ASIC2: variants seen among roughly 807,000 people sequenced by gnomAD.
ASIC2 encodes acid sensing ion channel subunit 2, also known as acid-sensing ion channel 2.
In ASIC2, 25 loss-of-function variants were observed where a neutral mutation model predicts 57.3. The ratio of observed to expected loss-of-function variants is 0.44; its 90% CI spans 0.32 to 0.61. The LOEUF (loss-of-function observed/expected upper bound fraction) is 0.61. ASIC2 is among the 20% of genes least tolerant of loss of function. The pLI is 0.06. For missense variants in ASIC2, 641 were observed against 738.1 expected (o/e 0.87, Z 1.52); for synonymous variants, 319 against 307.5 (o/e 1.04, Z -0.39).
intron 1 of ASIC2, among the ~76,000 whole-genome samples, chr17:34,066,319 C>T (rs11867733): frequency 1.5e-3 from 222 of 152,314 alleles, no homozygotes; most frequent in Admixed American, 2.5e-3. Context: ...GCCACTGGTT[C>T]CTGGCCTTAG....
intron 3 of ASIC2, among the ~76,000 whole-genome samples, chr17:33,072,918 C>A (rs2092074953): frequency 6.6e-6 from 1 of 152,246 alleles, no homozygotes; most frequent in Non-Finnish European, 1.5e-5. Context: ...GGAAGTGATG[C>A]AGCAATCAAC....
At chr17:33,266,326 G>C (rs1330247639) in intron 1 of ASIC2, among the ~76,000 whole-genome samples, 5 of 152,144 alleles carry the variant, frequency 3.3e-5, no homozygotes, top group African/African-American at 1.2e-4. Flanking sequence ...CAAGAGCAAT[G>C]CCTGACTCAG....
At chr17:33,104,248 G>A (rs1239585410) in intron 2 of ASIC2, among the ~76,000 whole-genome samples, 2 of 152,146 alleles carry the variant, frequency 1.3e-5, no homozygotes. Context: ...TAGGAAGGGG[G>A]CCTCCCATAA....
intron 1 of ASIC2, among the ~76,000 whole-genome samples, chr17:33,942,207 G>A (rs1916207277): frequency 6.6e-6 from 1 of 152,174 alleles, no homozygotes; most frequent in Non-Finnish European, 1.5e-5. Flanking sequence ...AGCCCCTGGA[G>A]AGCTGGGGAA....
At chr17:33,927,904 A>T (rs1915856482) in intron 1 of ASIC2, among the ~76,000 whole-genome samples, 2 of 152,224 alleles carry the variant, frequency 1.3e-5, no homozygotes, top group Non-Finnish European at 2.9e-5. Flanking sequence ...CCGTTAACAC[A>T]TGGGTTGACT....
chr17:33,370,537 G>A (rs1484901231), intron 1 of ASIC2, among the ~76,000 whole-genome samples: 1 of 152,200 alleles, frequency 6.6e-6, no homozygotes, highest in Non-Finnish European at 1.5e-5. Context: ...CAAAACCAAA[G>A]CAAGGTCTGT....
chr17:33,988,386 G>A (rs553447287), intron 1 of ASIC2, among the ~76,000 whole-genome samples: 1 of 152,136 alleles, frequency 6.6e-6, no homozygotes, highest in Non-Finnish European at 1.5e-5. Flanking sequence ...TTTAAAAGAG[G>A]AGTTCCCCTG....
At chr17:33,340,666 G>C (rs1346799742) in intron 1 of ASIC2, among the ~76,000 whole-genome samples, 1 of 152,144 alleles carries the variant, frequency 6.6e-6, no homozygotes, top group African/African-American at 2.4e-5. Flanking sequence ...CAGTGGTTTA[G>C]GGAGGGAGGT....
chr17:33,732,058 G>A (rs908987401), intron 1 of ASIC2, among the ~76,000 whole-genome samples: 1 of 152,166 alleles, frequency 6.6e-6, no homozygotes, highest in Non-Finnish European at 1.5e-5. Context: ...ATGTAATTTG[G>A]CCATCTCCAC....
rs142025561 is a variant in ASIC2, at chr17:33,874,259, C to T, written c.555+281719G>A. Among the ~76,000 whole-genome samples, 86 of 152,258 alleles carry T rather than the reference C, an allele frequency of 5.6e-4. 1 individual carries two copies. In the East Asian group the frequency reaches 0.016, roughly 28 times the overall value. On this transcript the variant is annotated intron_variant, in intron 1 of 9. Coordinates refer to the ASIC2 transcript ENST00000359872. ...TTTACCCTTCTTGGAGCTGACCATA[C>T]GAGCAGAAGGGATGAAAGGACTTTA... is the stretch of plus-strand genomic sequence containing the variant.
intron 3 of ASIC2, among the ~76,000 whole-genome samples, chr17:33,039,998 C>G (rs571220577): frequency 1.7e-3 from 256 of 152,302 alleles, no homozygotes; most frequent in Non-Finnish European, 2.7e-3. Flanking sequence ...AGTATTTTCC[C>G]AAGGAAAGGA....
chr17:33,857,288 G>A (rs1913985287), intron 1 of ASIC2, among the ~76,000 whole-genome samples: 1 of 152,130 alleles, frequency 6.6e-6, no homozygotes, highest in Non-Finnish European at 1.5e-5. Flanking sequence ...TAAAAGTCAG[G>A]GTGTAGGAAT....
At chr17:33,928,064 CAT>C (rs925323111) in intron 1 of ASIC2, among the ~76,000 whole-genome samples, 3 of 152,182 alleles carry the variant, frequency 2.0e-5, no homozygotes, top group East Asian at 1.9e-4. Flanking sequence ...TTAAGAAAAA[CAT>C]ATGGGAGAAA....
chr17:34,031,409 G>GA (rs1451258580), intron 1 of ASIC2, among the ~76,000 whole-genome samples: 1 of 152,014 alleles, frequency 6.6e-6, no homozygotes, highest in Non-Finnish European at 1.5e-5. Flanking sequence ...ACAAAGATGG[G>GA]AAAAAAACGG....
chr17:33,165,728 C>T (rs1484885312), intron 1 of ASIC2, among the ~76,000 whole-genome samples: 2 of 152,042 alleles, frequency 1.3e-5, no homozygotes, highest in African/African-American at 4.8e-5. Context: ...AATTTGGTTC[C>T]CCTGCTAACA....
At chr17:33,579,306 G>GAAAAAAAC (rs1916788281) in intron 1 of ASIC2, among the ~76,000 whole-genome samples, 1 of 106,698 alleles carries the variant, frequency 9.4e-6, no homozygotes, top group African/African-American at 4.4e-5. Flanking sequence ...AAAAAAAAAT[G>GAAAAAAAC]CAGGTGGGTG....
At chr17:33,452,713 G>A (rs541619625) in intron 1 of ASIC2, among the ~76,000 whole-genome samples, 1 of 146,552 alleles carries the variant, frequency 6.8e-6, no homozygotes, top group South Asian at 2.2e-4. Flanking sequence ...AAAGATTGAT[G>A]TTTTCTTTGT....
chr17:33,842,768 C>T (rs1449215439), intron 1 of ASIC2, among the ~76,000 whole-genome samples: 1 of 152,124 alleles, frequency 6.6e-6, no homozygotes, highest in African/African-American at 2.4e-5. Flanking sequence ...GTGAGAGAGG[C>T]AAGCACTGGG....
chr17:33,074,625 A>C (rs943412845), intron 3 of ASIC2, among the ~76,000 whole-genome samples: 1 of 152,206 alleles, frequency 6.6e-6, no homozygotes, highest in Admixed American at 6.5e-5. Context: ...GGGCAACTGC[A>C]GGCAGTATTG....
Sources: gnomAD v4.1 joint callset for allele counts (sites outside exome capture counted in the v4.1 genomes callset) on GRCh38, gnomAD v4.1.1 for gene constraint, MANE v1.5 for transcripts, NCBI Gene and HGNC (gene_info 2026-07-23, HGNC 2026-07-21) for gene names.